Variants in NT5DC1 observed in about 807,000 individuals in gnomAD.
NT5DC1 encodes the protein 5'-nucleotidase domain containing 1.
A neutral mutation model predicts 59.4 loss-of-function variants in NT5DC1; 42 were observed. The observed-to-expected ratio is 0.71, with a 90% CI of 0.55 to 0.92. The LOEUF (loss-of-function observed/expected upper bound fraction) is 0.92. Ranked by LOEUF, NT5DC1 falls within the 40% of genes least tolerant of loss-of-function variation. The pLI, the probability that NT5DC1 is intolerant of heterozygous loss-of-function variation, is 0.00. For missense variants in NT5DC1, 501 were observed against 537.1 expected (o/e 0.93, Z 0.66); for synonymous variants, 172 against 188.1 (o/e 0.91, Z 0.70).
intron 8 of NT5DC1, among the ~76,000 whole-genome samples, chr6:116,236,597 T>C (rs886837875): frequency 6.6e-6 from 1 of 152,206 alleles, no homozygotes; most frequent in African/African-American, 2.4e-5. Flanking sequence ...TCTAAAAAAT[T>C]AACACCTAAT....
chr6:116,220,279 A>G (rs1781773091), intron 6 of NT5DC1, among the ~76,000 whole-genome samples: 1 of 152,056 alleles, frequency 6.6e-6, no homozygotes, highest in South Asian at 2.1e-4. Flanking sequence ...TAAATCTGCA[A>G]TTGCCTGCTA....
chr6:116,154,520 CA>C (rs1780131942), intron 6 of NT5DC1, among the ~76,000 whole-genome samples: 1 of 151,850 alleles, frequency 6.6e-6, no homozygotes, highest in South Asian at 2.1e-4. Flanking sequence ...AGTCTTCCAA[CA>C]AATGCTGATG....
intron 6 of NT5DC1, among the ~76,000 whole-genome samples, chr6:116,144,222 G>A (rs1245598636): frequency 6.6e-6 from 1 of 152,154 alleles, no homozygotes; most frequent in Non-Finnish European, 1.5e-5. Context: ...TGTAAAAGGA[G>A]GCCAGGCACA....
intron 6 of NT5DC1, chr6:116,125,256 A>G (rs1779260192): frequency 2.7e-6 from 4 of 1,488,118 alleles, no homozygotes; most frequent in Non-Finnish European, 2.8e-6. Context: ...CCAAAGTTAA[A>G]TGCATTTTGT....
At chr6:116,140,032 T>C (rs552969743) in intron 6 of NT5DC1, among the ~76,000 whole-genome samples, 6 of 152,310 alleles carry the variant, frequency 3.9e-5, no homozygotes, top group Admixed American at 6.5e-5. Context: ...ACCACTGTTA[T>C]TTTGTAAGGA....
intron 6 of NT5DC1, among the ~76,000 whole-genome samples, chr6:116,189,443 T>A (rs957780591): frequency 6.6e-6 from 1 of 151,970 alleles, no homozygotes; most frequent in Non-Finnish European, 1.5e-5. Flanking sequence ...GGATACTTAT[T>A]CTTTATATAC....
At chr6:116,204,422 T>G (rs968727384) in intron 6 of NT5DC1, among the ~76,000 whole-genome samples, 16 of 151,980 alleles carry the variant, frequency 1.1e-4, no homozygotes, top group African/African-American at 3.6e-4. Context: ...CAATGAGATG[T>G]CCACTTTCAC....
intron 6 of NT5DC1, among the ~76,000 whole-genome samples, chr6:116,168,829 C>T (rs1366570288): frequency 6.6e-6 from 1 of 152,144 alleles, no homozygotes; most frequent in African/African-American, 2.4e-5. Context: ...TTCTGGCAGG[C>T]AGCTAGGGCT....
intron 5 of NT5DC1, among the ~76,000 whole-genome samples, chr6:116,117,260 T>C (rs1778983606): frequency 1.3e-5 from 2 of 152,236 alleles, no homozygotes; most frequent in Non-Finnish European, 2.9e-5. Flanking sequence ...GTGGAAATTT[T>C]TATTTTATTT....
At chr6:116,151,614 A>G (rs1780040801) in intron 6 of NT5DC1, among the ~76,000 whole-genome samples, 1 of 152,224 alleles carries the variant, frequency 6.6e-6, no homozygotes, top group South Asian at 2.1e-4. Flanking sequence ...AGAATGCAGT[A>G]CATGCAAATA....
rs145887599 is a variant in NT5DC1 at position 116,230,705 on chromosome 6, T to C, written c.803-6261T>C. Among the ~76,000 whole-genome samples, 145 of 152,296 alleles carry C rather than the reference T, an allele frequency of 9.5e-4. No homozygotes were observed. In the East Asian group the frequency reaches 0.028, roughly 29 times the overall value. On this transcript the variant is annotated intron_variant, in intron 8 of 11. Coordinates refer to ENST00000319550, the MANE Select transcript of NT5DC1 (RefSeq NM_152729.3). ...GTCAGACATACAAATCACACCTCCT[T>C]TGCGATACCTTCCTTCTGCAGCTCC...
intron 6 of NT5DC1, among the ~76,000 whole-genome samples, chr6:116,152,852 A>G (rs552526911): frequency 2.0e-5 from 3 of 152,264 alleles, no homozygotes; most frequent in Non-Finnish European, 4.4e-5. Context: ...TATTTTCTAT[A>G]GTTATATTGC....
chr6:116,107,697 T>A (rs1048902527), intron 2 of NT5DC1, among the ~76,000 whole-genome samples: 1 of 151,346 alleles, frequency 6.6e-6, no homozygotes, highest in South Asian at 2.1e-4. Context: ...CTCAGCCTCC[T>A]GAGTAGCTGG....
Position 116,145,066 on chromosome 6 carries a change from T to A in NT5DC1, c.529+27121T>A, listed in dbSNP as rs74789767. ...GATACATGAGAAATGGAATGCCTTTTAAATCTAATATATCAGCAAAGTTAT... is the reference window on the plus strand; with the variant it reads ...GATACATGAGAAATGGAATGCCTTTAAAATCTAATATATCAGCAAAGTTAT... On this transcript the variant is annotated intron_variant, in intron 6 of 11. Coordinates refer to ENST00000319550, the MANE Select transcript of NT5DC1 (RefSeq NM_152729.3). Among the ~76,000 whole-genome samples, 383 of 152,280 alleles carry A rather than the reference T, an allele frequency of 2.5e-3. 15 individuals carry two copies. The East Asian group carries it at 0.064, about 26-fold the overall frequency.
rs1188599410 is a variant in NT5DC1, at chr6:116,249,104, A to G, written c.*5080A>G. ...TGCAGAAATCAATCACTGAACTGAAAAGGTAAAATGAACATTGTTAGAGGA... is the reference window on the plus strand; with the variant it reads ...TGCAGAAATCAATCACTGAACTGAAGAGGTAAAATGAACATTGTTAGAGGA... On this transcript the variant is annotated 3_prime_UTR_variant, in exon 12 of 12. Transcript: ENST00000319550. The G allele has an allele frequency of 6.6e-6, 1 of 152,228 alleles. No homozygotes were observed. The highest frequency in any genetic ancestry group is 1.5e-5 in the Non-Finnish European group (1 of 68,026). 9.4% of individuals were successfully genotyped at this position (152,228 alleles called of 1,614,324 possible).
intron 6 of NT5DC1, among the ~76,000 whole-genome samples, chr6:116,172,754 T>C (rs1780640553): frequency 6.6e-6 from 1 of 152,234 alleles, no homozygotes; most frequent in Non-Finnish European, 1.5e-5. Context: ...TATTTCTTTA[T>C]GTACTCAGGC....
chr6:116,169,019 A>G (rs1262565362), intron 6 of NT5DC1, among the ~76,000 whole-genome samples: 1 of 152,046 alleles, frequency 6.6e-6, no homozygotes, highest in African/African-American at 2.4e-5. Context: ...ATTAGCCTCT[A>G]CCTAACCTTG....
intron 8 of NT5DC1, among the ~76,000 whole-genome samples, chr6:116,234,716 A>G (rs928792019): frequency 1.3e-5 from 2 of 152,238 alleles, no homozygotes; most frequent in African/African-American, 4.8e-5. Context: ...AGTACAGTGT[A>G]CTATCTAAAT....
intron 7 of NT5DC1, among the ~76,000 whole-genome samples, chr6:116,222,402 C>T (rs555717039): frequency 2.3e-4 from 35 of 152,154 alleles, no homozygotes; most frequent in Non-Finnish European, 3.8e-4. Context: ...TGGGTAAATA[C>T]TGTTTCCCCC....
Sources: allele counts gnomAD v4.1 joint callset (sites outside exome capture counted in the v4.1 genomes callset), GRCh38; gene constraint gnomAD v4.1.1; transcripts MANE v1.5; gene names NCBI Gene and HGNC (gene_info 2026-07-23, HGNC 2026-07-21).